Variants in SYPL1 observed in about 807,000 individuals in gnomAD.
The protein encoded by SYPL1 is synaptophysin-like protein 1.
Under a neutral mutation model 23.7 loss-of-function variants are expected in SYPL1, and 6 were observed. That is an observed-to-expected ratio of 0.25 (90% CI 0.14 to 0.50). SYPL1 has a LOEUF of 0.50. Ranked by LOEUF, SYPL1 falls within the 20% of genes least tolerant of loss-of-function variation. The probability of loss-of-function intolerance (pLI) is 0.98; values close to 1 mark genes in which losing one functional copy is unlikely to be tolerated. For missense variants in SYPL1, 253 were observed against 288.9 expected (o/e 0.88, Z 0.90); for synonymous variants, 102 against 104.5 (o/e 0.98, Z 0.15).
chr7:106,106,674 G>A (rs1840622758), intron 1 of SYPL1, among the ~76,000 whole-genome samples: 1 of 151,840 alleles, frequency 6.6e-6, no homozygotes, highest in Non-Finnish European at 1.5e-5. Context: ...GTGGGACTCT[G>A]TCTCTATAAA....
rs988055598 is a variant in SYPL1 at position 106,096,611 on chromosome 7, T to C, written c.402+1079A>G. 6.6e-6 allele frequency among the ~76,000 whole-genome samples: 1 copy of C among 152,188 alleles called. No homozygotes were observed. The highest frequency in any genetic ancestry group is 1.5e-5 in the Non-Finnish European group (1 of 68,030). ...TCTACTAACTAAATCTCAGAGAATA[T>C]TTCTAGCTCAGTAGGCTCTGAAGCC... On this transcript the variant is annotated intron_variant, in intron 3 of 4. Transcript: ENST00000455385. This position sits in a 1 kb window ranked among gnomAD's most constrained non-coding sequence, Gnocchi z 4.4.
At chr7:106,102,417 C>G (rs1187351792) in intron 1 of SYPL1, among the ~76,000 whole-genome samples, 2 of 152,166 alleles carry the variant, frequency 1.3e-5, no homozygotes, top group African/African-American at 4.8e-5. Flanking sequence ...CTTCTGTCTT[C>G]CTTTCTCACT....
At position 106,094,838 on chromosome 7, in the gene SYPL1, T is replaced by C. The variant is rs151000935; in HGVS notation, c.403-1701A>G. On this transcript the variant is annotated intron_variant, in intron 3 of 4. Transcript: ENST00000455385. ...CTTTGATGGCTTGAGGCCATTCTTA[T>C]ATTTCAAAAGCAGGAACTTTTCTGA... Among the ~76,000 whole-genome samples, 51 of 152,298 alleles carry C rather than the reference T, an allele frequency of 3.3e-4. No individual in the cohort carries two copies. In the East Asian group the frequency reaches 7.7e-3, roughly 23 times the overall value.
At chr7:106,105,765 C>G (rs1840560920) in intron 1 of SYPL1, among the ~76,000 whole-genome samples, 1 of 152,098 alleles carries the variant, frequency 6.6e-6, no homozygotes, top group South Asian at 2.1e-4. Flanking sequence ...GCTGGGTATC[C>G]TGAAGGTAAG....
intron 1 of SYPL1, among the ~76,000 whole-genome samples, chr7:106,108,319 C>A (rs193236216): frequency 4.5e-4 from 69 of 152,180 alleles, no homozygotes; most frequent in Admixed American, 1.4e-3. Flanking sequence ...TTGAAGTAAG[C>A]CTGTCACTCT....
At chr7:106,106,418 G>C (rs1485179732) in intron 1 of SYPL1, among the ~76,000 whole-genome samples, 1 of 152,078 alleles carries the variant, frequency 6.6e-6, no homozygotes, top group Non-Finnish European at 1.5e-5. Flanking sequence ...TGGGTGTGGT[G>C]GTGGGCACCT....
chr7:106,111,557 T>C (rs930093217), intron 1 of SYPL1, among the ~76,000 whole-genome samples: 19 of 152,268 alleles, frequency 1.2e-4, no homozygotes, highest in Admixed American at 5.2e-4. Context: ...CCGATCTGAC[T>C]CGATGCGTTT....
chr7:106,098,726 CAT>C (rs1230043296), intron 2 of SYPL1, among the ~76,000 whole-genome samples: 1 of 152,198 alleles, frequency 6.6e-6, no homozygotes, highest in Non-Finnish European at 1.5e-5. Context: ...TCTTTATATA[CAT>C]ATGTCTTAAA....
At chr7:106,092,016 T>C (rs1233399673) in intron 4 of SYPL1, 77 bp from the exon 5 acceptor site, 3 of 1,384,418 alleles carry the variant, frequency 2.2e-6, no homozygotes, top group Non-Finnish European at 2.9e-6. Flanking sequence ...AATCTCACTT[T>C]TTCTTTAAAT....
rs902033747 is a variant in SYPL1 at position 106,090,898 on chromosome 7, A to G, written c.*907T>C. The G allele has an allele frequency of 6.6e-6, 1 of 152,240 alleles. No homozygotes were observed. Among genetic ancestry groups the G allele is most frequent in the Non-Finnish European group, 1.5e-5 (1 of 68,030 alleles). 9.4% of individuals were successfully genotyped at this position (152,240 alleles called of 1,614,324 possible). ...AAAATAGCAACTTCATTGACTCTCA[A>G]TGGTAAATTTCAAACATGGAAAGCA... is the stretch of plus-strand genomic sequence containing the variant. On this transcript the variant is annotated 3_prime_UTR_variant, in exon 5 of 5. Transcript: ENST00000455385.
chr7:106,106,465 T>A (rs761363462), intron 1 of SYPL1, among the ~76,000 whole-genome samples: 1 of 151,518 alleles, frequency 6.6e-6, no homozygotes, highest in Non-Finnish European at 1.5e-5. Context: ...GGCAGGAGAA[T>A]TGCTTGAACC....
rs781327161 is a variant in SYPL1, at chr7:106,096,243, A to G, written c.402+1447T>C. The G allele has an allele frequency of 2.6e-5, 4 of 152,216 alleles. No homozygotes were observed. The highest frequency in any genetic ancestry group is 5.9e-5 in the Non-Finnish European group (4 of 68,022). 9.4% of individuals were successfully genotyped at this position (152,216 alleles called of 1,614,324 possible). On this transcript the variant is annotated intron_variant, in intron 3 of 4. Coordinates refer to ENST00000455385, the MANE Select transcript of SYPL1 (RefSeq NM_182715.4). The surrounding 1 kb of genome is among the most constrained non-coding windows in gnomAD (Gnocchi z 4.4). ...CTAGTTTTCTTGTGTCTCCTATGAC[A>G]TAAGAAACAGAATTAAATATGAATG...
Position 106,097,941 on chromosome 7 carries a change from A to T in SYPL1, c.195-44T>A. ...GAATTATTGGACTTTCCCAACAGAG[A>T]CAGAAACATTTAAGCAAAACAATGA... is the stretch of plus-strand genomic sequence containing the variant. On this transcript the variant is annotated intron_variant, in intron 2 of 4. Coordinates refer to ENST00000455385, the MANE Select transcript of SYPL1 (RefSeq NM_182715.4). This position sits in a 1 kb window ranked among gnomAD's most constrained non-coding sequence, Gnocchi z 4.6. The T allele has an allele frequency of 6.6e-7, 1 of 1,524,552 alleles. No individual in the cohort carries two copies. Among genetic ancestry groups the T allele is most frequent in the Middle Eastern group, 1.7e-4 (1 of 5,742 alleles). 94.4% of individuals were successfully genotyped at this position (1,524,552 alleles called of 1,614,324 possible).
At position 106,096,146 on chromosome 7, in the gene SYPL1, G is replaced by A. The variant is rs1292465303; in HGVS notation, c.402+1544C>T. The A allele has an allele frequency of 2.0e-5, 3 of 151,908 alleles. No homozygotes were observed. Among genetic ancestry groups the A allele is most frequent in the African/African-American group, 7.3e-5 (3 of 41,340 alleles). The allele number at this position is 151,908 out of a possible 1,614,324, so 9.4% of individuals were successfully genotyped here. A position where few individuals can be genotyped will look rare whatever the true frequency, so the allele number is the denominator to read the frequency against. On this transcript the variant is annotated intron_variant, in intron 3 of 4. Coordinates refer to ENST00000455385, the MANE Select transcript of SYPL1 (RefSeq NM_182715.4). The surrounding 1 kb of genome is among the most constrained non-coding windows in gnomAD (Gnocchi z 4.4). ...GACACAGATTCCTAACAAGTATGTT[G>A]GATAAGCACTGCAAATTAAAACAGT...
chr7:106,105,127 C>T (rs1840527351), intron 1 of SYPL1, among the ~76,000 whole-genome samples: 1 of 152,122 alleles, frequency 6.6e-6, no homozygotes, highest in African/African-American at 2.4e-5. Flanking sequence ...TCTCCATTGT[C>T]TTAACAGCCC....
chr7:106,099,011 CCA>C, intron 2 of SYPL1, 145 bp downstream of exon 2: 1 of 970,850 alleles, frequency 1.0e-6, no homozygotes, highest in South Asian at 1.7e-5. Context: ...GGTCTGTGTA[CCA>C]CAGTTTGGGA....
In SYPL1 at chr7:106,097,189, C is replaced by T. The variant is rs6947725; in HGVS notation, c.402+501G>A. On this transcript the variant is annotated intron_variant, in intron 3 of 4. Coordinates refer to ENST00000455385, the MANE Select transcript of SYPL1 (RefSeq NM_182715.4). This position sits in a 1 kb window ranked among gnomAD's most constrained non-coding sequence, Gnocchi z 4.6. The stretch of plus-strand genomic sequence containing the variant: ...CTGCCCTCCTGCCTGGGCGACAAAG[C>T]GAGACCTTGTCTCAAAAAGTAAATA... Among the ~76,000 whole-genome samples the T allele has an allele frequency of 0.059, 8,971 of 152,106 alleles. 888 individuals carry two copies. Among genetic ancestry groups the T allele is most frequent in the African/African-American group, 0.2 (8,463 of 41,468 alleles).
intron 3 of SYPL1, among the ~76,000 whole-genome samples, chr7:106,094,105 A>C (rs1488030113): frequency 6.6e-6 from 1 of 152,226 alleles, no homozygotes. Context: ...CAAGGATAGG[A>C]GCTCTTACAT....
At position 106,092,926 on chromosome 7, in the gene SYPL1, A is replaced by G. The variant is rs1281511130; in HGVS notation, c.591+23T>C. The G allele has an allele frequency of 2.0e-6, 3 of 1,501,336 alleles. No individual in the cohort carries two copies. In the African/African-American group the frequency reaches 4.3e-5, roughly 22 times the overall value. 93.0% of individuals were successfully genotyped at this position (1,501,336 alleles called of 1,614,324 possible). A position where few individuals can be genotyped will look rare whatever the true frequency, so the allele number is the denominator to read the frequency against. The stretch of plus-strand genomic sequence containing the variant: ...TTTAAACAAATATATGAAAGAAAAA[A>G]ATTATAAATAATGCATACATACCAC... On this transcript the variant is annotated intron_variant, in intron 4 of 4. Coordinates refer to ENST00000455385, the MANE Select transcript of SYPL1 (RefSeq NM_182715.4).
Sources: gnomAD v4.1 joint callset for allele counts (sites outside exome capture counted in the v4.1 genomes callset) on GRCh38, gnomAD v4.1.1 for gene constraint, Gnocchi (gnomAD v3.1) non-coding constraint, MANE v1.5 for transcripts, NCBI Gene and HGNC (gene_info 2026-07-23, HGNC 2026-07-21) for gene names.